NPR3: variants seen among roughly 807,000 people sequenced by gnomAD.
The protein encoded by NPR3 is natriuretic peptide receptor 3.
A neutral mutation model predicts 54.5 loss-of-function variants in NPR3; 34 were observed. The observed-to-expected ratio is 0.62, with a 90% CI of 0.47 to 0.83. The LOEUF is 0.83. NPR3 is among the 40% of genes least tolerant of loss of function. The pLI is 0.00. For synonymous variants in NPR3, 289 were observed against 297.1 expected, an observed-to-expected ratio of 0.97 and a Z score of 0.28; for missense variants, 674 against 720.8, an observed-to-expected ratio of 0.94 and a Z score of 0.74.
chr5:32,771,975 C>A (rs535565449), intron 3 of NPR3, among the ~76,000 whole-genome samples: 1 of 151,902 alleles, frequency 6.6e-6, no homozygotes, highest in East Asian at 1.9e-4. Context: ...AAAAAGTGAA[C>A]TGAGAATGAA....
intron 3 of NPR3, among the ~76,000 whole-genome samples, chr5:32,754,782 C>T (rs569482169): frequency 2.0e-5 from 3 of 152,238 alleles, no homozygotes; most frequent in African/African-American, 4.8e-5. Flanking sequence ...ATTTCTTCTA[C>T]CCAGATATCT....
At chr5:32,718,892 A>T (rs1359838639) in intron 1 of NPR3, among the ~76,000 whole-genome samples, 1 of 152,200 alleles carries the variant, frequency 6.6e-6, no homozygotes, top group African/African-American at 2.4e-5. Flanking sequence ...TATGTTGAAT[A>T]GGAGTGGTGA....
chr5:32,741,147 G>A (rs1365132869), intron 3 of NPR3, among the ~76,000 whole-genome samples: 1 of 152,004 alleles, frequency 6.6e-6, no homozygotes, highest in Non-Finnish European at 1.5e-5. Flanking sequence ...AGCCAGGAGT[G>A]GTGGCTGACG....
At chr5:32,724,676 G>A (rs1263197352) in intron 1 of NPR3, 22 bp from the exon 2 acceptor site, 1 of 1,613,874 alleles carries the variant, frequency 6.2e-7, no homozygotes, top group Non-Finnish European at 8.5e-7. Context: ...TGCCTCATGT[G>A]TGTTGTTTGT....
chr5:32,773,449 T>G (rs554073795), intron 3 of NPR3, among the ~76,000 whole-genome samples: 1 of 152,284 alleles, frequency 6.6e-6, no homozygotes, highest in African/African-American at 2.4e-5. Context: ...GGTCTCCAGA[T>G]TCTCGATGAT....
intron 3 of NPR3, among the ~76,000 whole-genome samples, chr5:32,758,930 A>C (rs1340893577): frequency 6.6e-6 from 1 of 152,266 alleles, no homozygotes; most frequent in East Asian, 1.9e-4. Context: ...GAGTTTCTTA[A>C]TCCTGAGTTC....
chr5:32,761,590 T>G (rs1181562090), intron 3 of NPR3, among the ~76,000 whole-genome samples: 1 of 152,066 alleles, frequency 6.6e-6, no homozygotes, highest in Admixed American at 6.5e-5. Flanking sequence ...CTGTCTCTAA[T>G]CTGCTTTTAA....
At chr5:32,704,653 A>G (rs1008990974), upstream of NPR3, among the ~76,000 whole-genome samples, 2 of 152,324 alleles carry the variant, frequency 1.3e-5, no homozygotes, top group Non-Finnish European at 2.9e-5. Context: ...TGGAAATACA[A>G]TTTGGTGTGA....
At chr5:32,737,528 A>T (rs1023530325) in intron 2 of NPR3, among the ~76,000 whole-genome samples, 1 of 152,156 alleles carries the variant, frequency 6.6e-6, no homozygotes, top group East Asian at 1.9e-4. Context: ...CAAGGCCTCT[A>T]CCAAGGATGA....
chr5:32,713,217 C>T, intron 1 of NPR3: 2 of 985,478 alleles, frequency 2.0e-6, no homozygotes, highest in Non-Finnish European at 2.4e-6. Flanking sequence ...TTCTGCAACG[C>T]AGTTTCTAAT....
intron 3 of NPR3, among the ~76,000 whole-genome samples, chr5:32,746,602 T>C (rs1194530651): frequency 2.0e-5 from 3 of 152,254 alleles, no homozygotes; most frequent in Non-Finnish European, 4.4e-5. Flanking sequence ...ATGAAAGATA[T>C]ATTCATTTTT....
chr5:32,750,254 G>A (rs979181199), intron 3 of NPR3, among the ~76,000 whole-genome samples: 2 of 152,096 alleles, frequency 1.3e-5, no homozygotes, highest in East Asian at 1.9e-4. Context: ...TCAGCCTCCC[G>A]TGTAGCTGGG....
upstream of NPR3, among the ~76,000 whole-genome samples, chr5:32,709,159 C>T (rs1738085188): frequency 6.6e-6 from 1 of 152,074 alleles, no homozygotes; most frequent in South Asian, 2.1e-4. Context: ...CCCAGACTCT[C>T]CGCATAAACC....
At chr5:32,774,888 T>G (rs748862560) in intron 4 of NPR3, 45 bp downstream of exon 4, 1 of 1,507,162 alleles carries the variant, frequency 6.6e-7, no homozygotes, top group Non-Finnish European at 9.2e-7. Flanking sequence ...CCAAATGAGC[T>G]GCTGCTTTTC....
chr5:32,781,502 C>G (rs1742337690), intron 5 of NPR3, among the ~76,000 whole-genome samples: 1 of 152,226 alleles, frequency 6.6e-6, no homozygotes, highest in African/African-American at 2.4e-5. Context: ...TTCATGGGAC[C>G]TGGCATATGG....
chr5:32,738,532 A>C (rs1336413660), intron 2 of NPR3, among the ~76,000 whole-genome samples: 1 of 152,224 alleles, frequency 6.6e-6, no homozygotes, highest in East Asian at 1.9e-4. Context: ...TATGAATGGC[A>C]AGGAATAAAA....
intron 3 of NPR3, among the ~76,000 whole-genome samples, chr5:32,741,946 G>A (rs2111957115): frequency 6.6e-6 from 1 of 151,882 alleles, no homozygotes; most frequent in African/African-American, 2.4e-5. Context: ...GGTTAGACGA[G>A]TGATCCTGGT....
At chr5:32,760,688 G>A (rs1741122148) in intron 3 of NPR3, among the ~76,000 whole-genome samples, 1 of 147,062 alleles carries the variant, frequency 6.8e-6, no homozygotes, top group African/African-American at 2.5e-5. Flanking sequence ...TTTAAATTTA[G>A]ATGTAGTCAG....
At chr5:32,758,221 C>T (rs1405456039) in intron 3 of NPR3, among the ~76,000 whole-genome samples, 1 of 152,156 alleles carries the variant, frequency 6.6e-6, no homozygotes, top group African/African-American at 2.4e-5. Flanking sequence ...GGCTGTGAAT[C>T]CATCTGGTCC....
Sources: gnomAD v4.1 joint callset for allele counts (sites outside exome capture counted in the v4.1 genomes callset) on GRCh38, gnomAD v4.1.1 for gene constraint, MANE v1.5 for transcripts, NCBI Gene and HGNC (gene_info 2026-07-23, HGNC 2026-07-21) for gene names.